CDKAL1: variants seen among roughly 807,000 people sequenced by gnomAD.
CDKAL1 encodes the protein CDKAL1 threonylcarbamoyladenosine tRNA methylthiotransferase, also known as threonylcarbamoyladenosine tRNA methylthiotransferase.
A neutral mutation model predicts 68.2 loss-of-function variants in CDKAL1; 32 were observed. The ratio of observed to expected loss-of-function variants is 0.47; its 90% CI spans 0.35 to 0.63. The LOEUF (loss-of-function observed/expected upper bound fraction) is 0.63. Among genes scored for constraint, CDKAL1 ranks in the 30% least tolerant of loss-of-function variants. CDKAL1 has a pLI of 0.00. For missense variants in CDKAL1, 606 were observed against 696.7 expected (o/e 0.87, Z 1.47); for synonymous variants, 234 against 244.3 (o/e 0.96, Z 0.39).
intron 13 of CDKAL1, among the ~76,000 whole-genome samples, chr6:21,123,178 G>A (rs1184729937): frequency 6.6e-6 from 1 of 152,116 alleles, no homozygotes; most frequent in Non-Finnish European, 1.5e-5. Flanking sequence ...CAGTGGCTGG[G>A]CACGGCATTG....
At chr6:21,204,869 C>T (rs1488553416) in intron 15 of CDKAL1, among the ~76,000 whole-genome samples, 1 of 152,190 alleles carries the variant, frequency 6.6e-6, no homozygotes, top group Non-Finnish European at 1.5e-5. Context: ...AGTACATTCT[C>T]ATTGTTGTAC....
At chr6:20,732,274 T>A (rs1360970736) in intron 5 of CDKAL1, among the ~76,000 whole-genome samples, 2 of 126,904 alleles carry the variant, frequency 1.6e-5, no homozygotes, top group Admixed American at 1.6e-4. Flanking sequence ...TTTTTTTTTT[T>A]TTTTTTTTTT....
chr6:21,192,831 T>A (rs1019992478), intron 13 of CDKAL1, among the ~76,000 whole-genome samples: 1 of 140,930 alleles, frequency 7.1e-6, no homozygotes, highest in South Asian at 2.2e-4. Flanking sequence ...TTTTTTTTTT[T>A]AGAGATAGGA....
chr6:21,169,826 T>C (rs867859719), intron 13 of CDKAL1, among the ~76,000 whole-genome samples: 1 of 152,080 alleles, frequency 6.6e-6, no homozygotes, highest in Non-Finnish European at 1.5e-5. Context: ...TCTTGCATGG[T>C]AGCAGGCAAG....
chr6:20,556,775 C>T (rs570998723), intron 4 of CDKAL1, among the ~76,000 whole-genome samples: 2 of 152,160 alleles, frequency 1.3e-5, no homozygotes, highest in Admixed American at 6.5e-5. Flanking sequence ...TGGTGACTCA[C>T]ACCTGTAATC....
rs1174600618 is a variant in CDKAL1, at chr6:21,198,044, A to G, written c.1323A>G (p.Leu441=). 6.2e-7 allele frequency: 1 copy of G among 1,605,016 alleles called. No individual in the cohort carries two copies. The highest frequency in any genetic ancestry group is 1.7e-4 in the Middle Eastern group (1 of 6,050). ...AGATTGGTGAAAGACAACAAGTGTT[A>G]GTAACAGAAGAATCTTTTGATTCCA... The part of the protein sequence containing the change: ...DHKIGERQQV[L]VTEESFDSKF... Residue 441 remains leucine (L), a synonymous_variant, in exon 14 of 16, where the codon TTA becomes TTG. Transcript: ENST00000274695.
intron 13 of CDKAL1, among the ~76,000 whole-genome samples, chr6:21,169,231 C>T (rs1219474937): frequency 2.0e-5 from 3 of 152,232 alleles, no homozygotes; most frequent in African/African-American, 4.8e-5. Context: ...TGCCATGCAT[C>T]TGTGTCCCCA....
At chr6:20,988,398 T>C (rs543855833) in intron 10 of CDKAL1, among the ~76,000 whole-genome samples, 144 of 152,280 alleles carry the variant, frequency 9.5e-4, no homozygotes, top group African/African-American at 3.4e-3. Flanking sequence ...ATCAGCTATC[T>C]GCGCATTCAG....
intron 9 of CDKAL1, among the ~76,000 whole-genome samples, chr6:20,874,407 G>C (rs553463947): frequency 1.3e-5 from 2 of 151,944 alleles, no homozygotes; most frequent in African/African-American, 4.8e-5. Flanking sequence ...GGGTTCAGGC[G>C]ATTCTCCTGC....
At chr6:20,878,292 G>GA (rs1388399475) in intron 9 of CDKAL1, among the ~76,000 whole-genome samples, 1 of 152,118 alleles carries the variant, frequency 6.6e-6, no homozygotes, top group Non-Finnish European at 1.5e-5. Flanking sequence ...CAACAAGATC[G>GA]AATTTCTTAT....
intron 9 of CDKAL1, among the ~76,000 whole-genome samples, chr6:20,860,734 G>A (rs1399499140): frequency 1.3e-5 from 2 of 151,872 alleles, no homozygotes; most frequent in African/African-American, 4.8e-5. Context: ...TGAGGCAGGA[G>A]AATTGCTTGA....
Position 20,996,841 on chromosome 6 carries a change from A to T in CDKAL1, c.910-3386A>T, listed in dbSNP as rs1174608395. Among the ~76,000 whole-genome samples, 5 of 152,356 alleles carry T rather than the reference A, an allele frequency of 3.3e-5. 1 individual carries two copies. In the East Asian group the frequency reaches 7.7e-4, roughly 24 times the overall value. ...TTTGGGAAGCACAATAAAATGATGT[A>T]TGCCTGTACTTATGTATATACCTAT... On this transcript the variant is annotated intron_variant, in intron 10 of 15. Coordinates refer to ENST00000274695, the MANE Select transcript of CDKAL1 (RefSeq NM_017774.3).
intron 12 of CDKAL1, among the ~76,000 whole-genome samples, chr6:21,074,510 T>C (rs551607452): frequency 6.6e-6 from 1 of 152,184 alleles, no homozygotes; most frequent in Non-Finnish European, 1.5e-5. Flanking sequence ...TCTACATCCC[T>C]GTAATTATGC....
chr6:21,129,948 G>A (rs1775215829), intron 13 of CDKAL1, among the ~76,000 whole-genome samples: 1 of 151,804 alleles, frequency 6.6e-6, no homozygotes, highest in African/African-American at 2.4e-5. Flanking sequence ...GTATGGAAAC[G>A]AAGGCCCACA....
intron 11 of CDKAL1, among the ~76,000 whole-genome samples, chr6:21,029,636 A>G (rs956133188): frequency 1.3e-5 from 2 of 152,178 alleles, no homozygotes; most frequent in Non-Finnish European, 2.9e-5. Context: ...AATTTACAAG[A>G]AAAAAACAAA....
At position 20,566,733 on chromosome 6, in the gene CDKAL1, C is replaced by G. The variant is rs372962429; in HGVS notation, c.286+18028C>G. On this transcript the variant is annotated intron_variant, in intron 4 of 15. Coordinates refer to ENST00000274695, the MANE Select transcript of CDKAL1 (RefSeq NM_017774.3). ...TTTATTGCATCCATTTTTCTGTTCC[C>G]TAAACCTTGAGGGTTATGCATCTAA... is the stretch of plus-strand genomic sequence containing the variant. 2.1e-4 allele frequency among the ~76,000 whole-genome samples: 32 copies of G among 152,164 alleles called. No individual in the cohort carries two copies. The South Asian group carries it at 6.4e-3, about 31-fold the overall frequency.
chr6:20,957,110 A>C (rs1047059320), intron 10 of CDKAL1, among the ~76,000 whole-genome samples: 5 of 151,968 alleles, frequency 3.3e-5, no homozygotes, highest in African/African-American at 1.2e-4. Context: ...CAGGAGATAT[A>C]CTAGACGTGT....
At chr6:21,179,029 ACT>A (rs1389758036) in intron 13 of CDKAL1, among the ~76,000 whole-genome samples, 1 of 152,226 alleles carries the variant, frequency 6.6e-6, no homozygotes, top group Non-Finnish European at 1.5e-5. Context: ...AAGTTGAGAA[ACT>A]CTTATTTTCC....
At chr6:20,788,653 G>T (rs1775772455) in intron 8 of CDKAL1, among the ~76,000 whole-genome samples, 1 of 152,132 alleles carries the variant, frequency 6.6e-6, no homozygotes, top group African/African-American at 2.4e-5. Context: ...TGAATGTATA[G>T]CTTAGCACAT....
Sources: gnomAD v4.1 joint callset for allele counts (sites outside exome capture counted in the v4.1 genomes callset) on GRCh38, gnomAD v4.1.1 for gene constraint, MANE v1.5 for transcripts, NCBI Gene and HGNC (gene_info 2026-07-23, HGNC 2026-07-21) for gene names.